The following PTPRT variants were observed in gnomAD, a reference collection of about 807,000 sequenced individuals.
PTPRT encodes receptor-type tyrosine-protein phosphatase T.
PTPRT carries 56 observed loss-of-function variants against 176.8 expected under a neutral mutation model. The ratio of observed to expected loss-of-function variants is 0.32; its 90% CI spans 0.26 to 0.40. The LOEUF (loss-of-function observed/expected upper bound fraction) is 0.40. PTPRT is among the 10% of genes least tolerant of loss of function. The probability of loss-of-function intolerance (pLI) is 1.00; values close to 1 mark genes in which losing one functional copy is unlikely to be tolerated. For synonymous variants in PTPRT, 783 were observed against 739.0 expected, an observed-to-expected ratio of 1.06 and a Z score of -0.96; for missense variants, 1,540 against 1,908.2, an observed-to-expected ratio of 0.81 and a Z score of 3.60.
In PTPRT at chr20:42,110,332, C is replaced by G. The variant is rs2146290484; in HGVS notation, c.3254+1G>C. On this transcript the variant is annotated splice_donor_variant, in intron 23 of 30. Transcript: ENST00000373187. LOFTEE classifies it high-confidence loss of function. ...CCCAAGGTGAAGGACCTTTGACTTA[C>G]CTGCAGTGGACCACTATGGGCCCAG... 1 of 1,605,166 alleles carries G rather than the reference C, an allele frequency of 6.2e-7. No homozygotes were observed. Among genetic ancestry groups the G allele is most frequent in the Non-Finnish European group, 8.5e-7 (1 of 1,174,182 alleles).
chr20:42,238,222 C>T (rs2056283131), intron 14 of PTPRT, among the ~76,000 whole-genome samples: 1 of 152,138 alleles, frequency 6.6e-6, no homozygotes, highest in Non-Finnish European at 1.5e-5. Flanking sequence ...ACTCCTAAAG[C>T]AAAGCCCAAC....
chr20:42,854,401 A>G (rs1230060501), intron 2 of PTPRT, among the ~76,000 whole-genome samples: 1 of 152,198 alleles, frequency 6.6e-6, no homozygotes, highest in Non-Finnish European at 1.5e-5. Flanking sequence ...CTAGGGAGGT[A>G]CAACCAGAGT....
intron 14 of PTPRT, among the ~76,000 whole-genome samples, chr20:42,245,858 C>T (rs551845919): frequency 1.6e-4 from 24 of 152,206 alleles, no homozygotes; most frequent in Middle Eastern, 6.8e-3. Context: ...AAAAAAACCC[C>T]GGAAAGTAAC....
intron 1 of PTPRT, among the ~76,000 whole-genome samples, chr20:43,144,277 C>T (rs1291839266): frequency 6.6e-6 from 1 of 152,150 alleles, no homozygotes; most frequent in East Asian, 1.9e-4. Flanking sequence ...GAGCTCGTGG[C>T]CTTGTCCCCA....
chr20:42,369,592 A>G (rs928137176), intron 9 of PTPRT, among the ~76,000 whole-genome samples: 4 of 152,196 alleles, frequency 2.6e-5, no homozygotes, highest in Non-Finnish European at 5.9e-5. Context: ...AGGCCCAGAG[A>G]TAGTGGGGGC....
intron 6 of PTPRT, among the ~76,000 whole-genome samples, chr20:42,711,370 TG>T (rs3091896): frequency 0.46 from 70,561 of 151,816 alleles, 19,108 homozygotes; most frequent in African/African-American, 0.76. Context: ...GTTTGGGTCA[TG>T]GGGGGCAGAT....
At chr20:42,591,226 A>G (rs2073568620) in intron 7 of PTPRT, among the ~76,000 whole-genome samples, 1 of 152,118 alleles carries the variant, frequency 6.6e-6, no homozygotes, top group South Asian at 2.1e-4. Context: ...ATTTGACTAC[A>G]TGATAAAAAA....
chr20:42,945,034 G>A (rs1439687016), intron 1 of PTPRT, among the ~76,000 whole-genome samples: 6 of 148,870 alleles, frequency 4.0e-5, no homozygotes, highest in Non-Finnish European at 8.9e-5. Context: ...ATAAAATGTT[G>A]TGTGTGTGTG....
At chr20:42,494,593 T>G (rs2071620266) in intron 7 of PTPRT, among the ~76,000 whole-genome samples, 1 of 152,070 alleles carries the variant, frequency 6.6e-6, no homozygotes, top group South Asian at 2.1e-4. Context: ...ATCATATCAA[T>G]CTCCTTTATT....
At chr20:42,237,253 T>G (rs1336466404) in intron 14 of PTPRT, among the ~76,000 whole-genome samples, 6 of 152,320 alleles carry the variant, frequency 3.9e-5, no homozygotes, top group Admixed American at 3.9e-4. Flanking sequence ...GGGGGTAGTT[T>G]GTTACATGGC....
intron 2 of PTPRT, among the ~76,000 whole-genome samples, chr20:42,850,282 C>T (rs1390577076): frequency 2.0e-5 from 3 of 152,218 alleles, no homozygotes; most frequent in Non-Finnish European, 2.9e-5. Flanking sequence ...GCGCTTCAAG[C>T]ACTACCACTT....
chr20:42,572,724 G>A (rs917336885), intron 7 of PTPRT, among the ~76,000 whole-genome samples: 1 of 151,962 alleles, frequency 6.6e-6, no homozygotes, highest in Non-Finnish European at 1.5e-5. Context: ...TCAAAGTTTG[G>A]TATCTATCCA....
chr20:42,170,467 T>A (rs1990031487), intron 16 of PTPRT, among the ~76,000 whole-genome samples: 1 of 152,032 alleles, frequency 6.6e-6, no homozygotes. Context: ...CCAAAATAGA[T>A]CAAGTTAAGA....
At chr20:42,344,097 A>C (rs1208933931) in intron 11 of PTPRT, among the ~76,000 whole-genome samples, 1 of 152,114 alleles carries the variant, frequency 6.6e-6, no homozygotes, top group East Asian at 1.9e-4. Flanking sequence ...ATGGGTTTAC[A>C]CCATGTTGGC....
rs1340232008 is a variant in PTPRT, at chr20:42,988,776, A to G, written c.89-102844T>C. Among the ~76,000 whole-genome samples the G allele has an allele frequency of 2.0e-5, 3 of 152,200 alleles. No homozygotes were observed. In the East Asian group the frequency reaches 5.8e-4, roughly 29 times the overall value. The stretch of plus-strand genomic sequence containing the variant: ...AACATTGAGTCTTGGCCTCAGGGGT[A>G]AAGAGTCAACCGGAGGGACATGCTA... On this transcript the variant is annotated intron_variant, in intron 1 of 30. Transcript: ENST00000373187.
At position 42,925,820 on chromosome 20, in the gene PTPRT, G is replaced by A. The variant is rs549063065; in HGVS notation, c.89-39888C>T. Among the ~76,000 whole-genome samples the A allele has an allele frequency of 2.0e-5, 3 of 152,300 alleles. No homozygotes were observed. The East Asian group carries it at 5.8e-4, about 29-fold the overall frequency. On this transcript the variant is annotated intron_variant, in intron 1 of 30. Coordinates refer to ENST00000373187, the MANE Select transcript of PTPRT (RefSeq NM_007050.6). ...TGCCTTGAGAGAATTCAGAGCAGCTGAAGAAAAGAGGGCTTCATTCCCTGG... is the reference window on the plus strand; with the variant it reads ...TGCCTTGAGAGAATTCAGAGCAGCTAAAGAAAAGAGGGCTTCATTCCCTGG...
chr20:42,407,609 A>G (rs891744196), intron 9 of PTPRT, among the ~76,000 whole-genome samples: 2 of 152,214 alleles, frequency 1.3e-5, no homozygotes, highest in African/African-American at 4.8e-5. Context: ...CATGAGCAAG[A>G]CAGGTATGCT....
intron 6 of PTPRT, among the ~76,000 whole-genome samples, chr20:42,739,907 C>T (rs1370967147): frequency 6.6e-6 from 1 of 152,156 alleles, no homozygotes; most frequent in Non-Finnish European, 1.5e-5. Flanking sequence ...TTGGTATGCC[C>T]AGCATTCCTA....
intron 8 of PTPRT, among the ~76,000 whole-genome samples, chr20:42,460,521 G>A (rs1476748893): frequency 6.6e-6 from 1 of 152,150 alleles, no homozygotes; most frequent in African/African-American, 2.4e-5. Context: ...AGGTTGGGAT[G>A]TGATATGGTT....
Sources: gnomAD v4.1 joint callset for allele counts (sites outside exome capture counted in the v4.1 genomes callset) on GRCh38, gnomAD v4.1.1 for gene constraint, MANE v1.5 for transcripts, NCBI Gene and HGNC (gene_info 2026-07-23, HGNC 2026-07-21) for gene names.